The following PTGER3 variants were observed in gnomAD, a reference collection of about 807,000 sequenced individuals.
PTGER3 encodes prostaglandin E receptor 3.
PTGER3 carries 22 observed loss-of-function variants against 34.7 expected under a neutral mutation model. The ratio of observed to expected loss-of-function variants is 0.63; its 90% CI spans 0.45 to 0.91. The LOEUF (loss-of-function observed/expected upper bound fraction) is 0.91. Ranked by LOEUF, PTGER3 falls within the 40% of genes least tolerant of loss-of-function variation. PTGER3 has a pLI of 0.00. For synonymous variants in PTGER3, 241 were observed against 230.1 expected (o/e 1.05, Z -0.43); for missense variants, 468 against 519.4 (o/e 0.90, Z 0.96).
Position 70,920,350 on chromosome 1 carries a change from G to T in PTGER3, c.*23+33413C>A, listed in dbSNP as rs952686206. Reference sequence around the variant, plus strand: ...CCTTTCAATAGGCTGGAGAAATGAAGAACTGGAGAGATTTCTAGCCCTTGT... The same window carrying T: ...CCTTTCAATAGGCTGGAGAAATGAATAACTGGAGAGATTTCTAGCCCTTGT... On this transcript the variant is annotated intron_variant, in intron 4 of 4. Coordinates refer to the PTGER3 transcript ENST00000370931. Among the ~76,000 whole-genome samples, 4 of 152,136 alleles carry T rather than the reference G, an allele frequency of 2.6e-5. No homozygotes were observed. The East Asian group carries it at 7.7e-4, about 29-fold the overall frequency.
At chr1:70,943,683 T>A (rs1020639060) in intron 4 of PTGER3, among the ~76,000 whole-genome samples, 1 of 152,038 alleles carries the variant, frequency 6.6e-6, no homozygotes, top group Non-Finnish European at 1.5e-5. Flanking sequence ...ACTAATAATA[T>A]TTTTTTCCAC....
At chr1:71,002,118 C>G (rs1656548536) in intron 2 of PTGER3, 2 of 151,902 alleles carry the variant, frequency 1.3e-5, no homozygotes, top group East Asian at 3.9e-4. Flanking sequence ...AAAAAATAAG[C>G]CTAGTGAGGT....
rs1647014008 is a variant in PTGER3 at position 70,909,303 on chromosome 1, G to A, written c.*23+44460C>T. On this transcript the variant is annotated intron_variant, in intron 4 of 4. Coordinates refer to the PTGER3 transcript ENST00000370931. ...ATTTCTGTGCGTGTTAACCATCACAGGTAATAGTTGTTCCCTTAAGAGAAG... is the reference window on the plus strand; with the variant it reads ...ATTTCTGTGCGTGTTAACCATCACAAGTAATAGTTGTTCCCTTAAGAGAAG... Among the ~76,000 whole-genome samples, 2 of 152,290 alleles carry A rather than the reference G, an allele frequency of 1.3e-5. 1 individual carries two copies. The highest frequency in any genetic ancestry group is 6.8e-3 in the Middle Eastern group (2 of 294).
chr1:70,903,744 A>G (rs1283546365), intron 4 of PTGER3, among the ~76,000 whole-genome samples: 1 of 152,196 alleles, frequency 6.6e-6, no homozygotes, highest in Non-Finnish European at 1.5e-5. Flanking sequence ...AGAGGGAACC[A>G]AAAGGGATCA....
intron 2 of PTGER3, chr1:71,006,099 G>T: frequency 1.1e-6 from 1 of 904,234 alleles, no homozygotes; most frequent in Non-Finnish European, 1.3e-6. Flanking sequence ...TAGAACACTG[G>T]AACTTATTTC....
chr1:70,859,229 G>T (rs998940663), intron 4 of PTGER3, among the ~76,000 whole-genome samples: 4 of 152,158 alleles, frequency 2.6e-5, no homozygotes, highest in African/African-American at 9.7e-5. Flanking sequence ...AAAGAGCAAA[G>T]AATGAATTAA....
chr1:70,938,954 G>C (rs941038053), intron 4 of PTGER3, among the ~76,000 whole-genome samples: 1 of 152,160 alleles, frequency 6.6e-6, no homozygotes, highest in African/African-American at 2.4e-5. Context: ...GTCCCCCAAA[G>C]TCTTAACTCA....
intron 2 of PTGER3, among the ~76,000 whole-genome samples, chr1:70,992,202 C>A (rs1292122911): frequency 1.3e-5 from 2 of 152,110 alleles, no homozygotes; most frequent in Non-Finnish European, 2.9e-5. Flanking sequence ...TTTATTCATC[C>A]AGATAGCTGT....
At chr1:71,000,851 A>G (rs1004254181) in intron 2 of PTGER3, among the ~76,000 whole-genome samples, 14 of 152,216 alleles carry the variant, frequency 9.2e-5, no homozygotes, top group Admixed American at 1.3e-4. Context: ...GGATATTTTC[A>G]TTATCATGAA....
intron 2 of PTGER3, chr1:71,010,482 A>G: frequency 1.0e-6 from 1 of 983,900 alleles, no homozygotes; most frequent in African/African-American, 1.8e-5. Flanking sequence ...AGATGCTGGA[A>G]GGAATAACCT....
At chr1:70,874,953 T>C (rs1273911057) in intron 4 of PTGER3, among the ~76,000 whole-genome samples, 1 of 152,238 alleles carries the variant, frequency 6.6e-6, no homozygotes, top group Admixed American at 6.5e-5. Flanking sequence ...CCTTTGGGTT[T>C]TCTATTTGCC....
At chr1:70,907,805 G>C (rs1646981030) in intron 4 of PTGER3, among the ~76,000 whole-genome samples, 1 of 152,212 alleles carries the variant, frequency 6.6e-6, no homozygotes, top group African/African-American at 2.4e-5. Context: ...TAAAAACCCA[G>C]GTCTGTTTCA....
downstream of PTGER3, among the ~76,000 whole-genome samples, chr1:70,966,132 T>C (rs1303792000): frequency 6.6e-6 from 1 of 152,244 alleles, no homozygotes; most frequent in Non-Finnish European, 1.5e-5. Flanking sequence ...TAATACAATT[T>C]ATATTTTCTC....
At chr1:70,869,198 T>C (rs758834543) in intron 4 of PTGER3, 10 of 446,414 alleles carry the variant, frequency 2.2e-5, no homozygotes, top group Admixed American at 4.9e-5. Flanking sequence ...GGGGCAGGGG[T>C]GGTATCACAC....
chr1:70,974,308 G>A lies in PTGER3; in HGVS notation c.1158C>T (p.Asp386=). The change falls in exon 3 of 4, where the codon GAC becomes GAT. Residue 386 remains aspartate, a synonymous_variant. Transcript: ENST00000306666. ...CQCSSTLMWS[D]HLER The stretch of plus-strand genomic sequence containing the variant: ...TTTCTAAATCTCACCTTTCCAAATG[G>A]TCGCTCCACATCAAGGTTGAGGAAC... 6.3e-7 allele frequency: 1 copy of A among 1,598,394 alleles called. No individual in the cohort carries two copies. The highest frequency in any genetic ancestry group is 8.6e-7 in the Non-Finnish European group (1 of 1,166,038).
intron 1 of PTGER3, among the ~76,000 whole-genome samples, chr1:71,042,362 C>A (rs1159704771): frequency 6.6e-6 from 1 of 151,372 alleles, no homozygotes; most frequent in African/African-American, 2.4e-5. Context: ...TCTCCTCTGG[C>A]AAATTCAGAC....
chr1:70,948,974 A>AT (rs1203147937), downstream of PTGER3, among the ~76,000 whole-genome samples: 6 of 152,144 alleles, frequency 3.9e-5, no homozygotes, highest in Admixed American at 1.3e-4. Context: ...TAGTATTAAA[A>AT]TTTTTTCTTT....
At chr1:70,996,231 T>C (rs1156374304) in intron 2 of PTGER3, among the ~76,000 whole-genome samples, 3 of 152,126 alleles carry the variant, frequency 2.0e-5, no homozygotes, top group Non-Finnish European at 2.9e-5. Context: ...TTAAAAGAGA[T>C]GTAACTCTTT....
intron 1 of PTGER3, among the ~76,000 whole-genome samples, chr1:71,040,831 C>A (rs1230731370): frequency 3.3e-5 from 5 of 152,124 alleles, no homozygotes; most frequent in African/African-American, 1.2e-4. Flanking sequence ...GGCACCCAAT[C>A]ACGGCCTAGA....
Sources: gnomAD v4.1 joint callset for allele counts (sites outside exome capture counted in the v4.1 genomes callset) on GRCh38, gnomAD v4.1.1 for gene constraint, MANE v1.5 for transcripts, NCBI Gene and HGNC (gene_info 2026-07-23, HGNC 2026-07-21) for gene names.